Variants in NRXN1 observed in about 807,000 individuals in gnomAD.
NRXN1 encodes the protein neurexin-1.
In NRXN1, 39 loss-of-function variants were observed where a neutral mutation model predicts 150.9. That is an observed-to-expected ratio of 0.26 (90% CI 0.20 to 0.34). The LOEUF is 0.34. NRXN1 is among the 10% of genes least tolerant of loss of function. NRXN1 has a pLI of 1.00. For synonymous variants in NRXN1, 924 were observed against 757.0 expected (o/e 1.22, Z -3.62); for missense variants, 1,815 against 1,949.9 (o/e 0.93, Z 1.30).
intron 21 of NRXN1, among the ~76,000 whole-genome samples, chr2:50,030,011 C>T (rs1688956231): frequency 1.3e-5 from 2 of 152,062 alleles, no homozygotes; most frequent in South Asian, 4.1e-4. Flanking sequence ...GATGCAAATG[C>T]AAGCAGGCAT....
chr2:50,350,586 T>G (rs1455704157), intron 17 of NRXN1, among the ~76,000 whole-genome samples: 1 of 152,196 alleles, frequency 6.6e-6, no homozygotes, highest in Non-Finnish European at 1.5e-5. Context: ...CAACTGTATT[T>G]GTTATTCTCT....
At position 50,803,502 on chromosome 2, in the gene NRXN1, T is replaced by C. The variant is rs563233851; in HGVS notation, c.832+118367A>G. On this transcript the variant is annotated intron_variant, in intron 5 of 22. Transcript: ENST00000401669. Reference sequence around the variant, plus strand: ...TAAGCAGTAGAGGACACTGTTTTTATTTCTTTGCATTTTCAATGTATAAAT... The same window carrying C: ...TAAGCAGTAGAGGACACTGTTTTTACTTCTTTGCATTTTCAATGTATAAAT... 2.6e-5 allele frequency among the ~76,000 whole-genome samples: 4 copies of C among 152,336 alleles called. No individual in the cohort carries two copies. The East Asian group carries it at 7.7e-4, about 29-fold the overall frequency.
At chr2:49,962,532 TA>T (rs966193608) in intron 21 of NRXN1, among the ~76,000 whole-genome samples, 18 of 152,332 alleles carry the variant, frequency 1.2e-4, no homozygotes, top group Admixed American at 2.0e-4. Context: ...GAGTTCTATG[TA>T]ACCCATTGAC....
At chr2:50,442,087 C>T (rs191672805) in intron 17 of NRXN1, among the ~76,000 whole-genome samples, 1 of 152,220 alleles carries the variant, frequency 6.6e-6, no homozygotes, top group Non-Finnish European at 1.5e-5. Flanking sequence ...CTATAGTGAA[C>T]ATAATTGTTA....
At chr2:50,747,394 T>C (rs1020725567) in intron 5 of NRXN1, among the ~76,000 whole-genome samples, 1 of 152,182 alleles carries the variant, frequency 6.6e-6, no homozygotes, top group African/African-American at 2.4e-5. Context: ...TATAGATTCC[T>C]CTGTGGATGT....
At chr2:50,167,873 G>T (rs1205949081) in intron 18 of NRXN1, among the ~76,000 whole-genome samples, 1 of 152,146 alleles carries the variant, frequency 6.6e-6, no homozygotes, top group Non-Finnish European at 1.5e-5. Flanking sequence ...TACATGCATA[G>T]TAGACTTCTG....
intron 5 of NRXN1, among the ~76,000 whole-genome samples, chr2:50,772,865 A>T (rs1703174841): frequency 6.6e-6 from 1 of 152,118 alleles, no homozygotes; most frequent in Admixed American, 6.6e-5. Flanking sequence ...TATGGGCTGT[A>T]GATATTCATT....
intron 10 of NRXN1, among the ~76,000 whole-genome samples, chr2:50,532,958 T>C (rs1469910285): frequency 6.6e-6 from 1 of 152,196 alleles, no homozygotes; most frequent in Non-Finnish European, 1.5e-5. Flanking sequence ...AAATTTTCAT[T>C]ATTTTGCCTA....
chr2:50,617,934 T>C (rs1002293793), intron 8 of NRXN1, among the ~76,000 whole-genome samples: 1 of 152,234 alleles, frequency 6.6e-6, no homozygotes, highest in African/African-American at 2.4e-5. Context: ...GCCTCACTTA[T>C]GCAGAATTAT....
Position 50,610,664 on chromosome 2 carries a change from T to A in NRXN1, c.1320+9358A>T, listed in dbSNP as rs1395722943. Among the ~76,000 whole-genome samples, 48 of 126,870 alleles carry A rather than the reference T, an allele frequency of 3.8e-4. 1 individual carries two copies. Among genetic ancestry groups the A allele is most frequent in the Non-Finnish European group, 7.1e-4 (43 of 60,258 alleles). The allele number at this position is 126,870 out of a possible 152,430, so 83.2% of individuals were successfully genotyped here. On this transcript the variant is annotated intron_variant, in intron 8 of 22. Transcript: ENST00000401669. Reference sequence around the variant, plus strand: ...ATACATATATATATATATATATATATATATATATATATATCTGTACAAAAC... The same window carrying A: ...ATACATATATATATATATATATATAAATATATATATATATCTGTACAAAAC...
intron 5 of NRXN1, among the ~76,000 whole-genome samples, chr2:50,741,814 T>C (rs755776394): frequency 6.6e-6 from 1 of 152,142 alleles, no homozygotes; most frequent in Non-Finnish European, 1.5e-5. Context: ...CTAACCCTAA[T>C]CATCTCAAAT....
At chr2:51,022,694 A>G (rs1669815866) in intron 2 of NRXN1, among the ~76,000 whole-genome samples, 1 of 152,174 alleles carries the variant, frequency 6.6e-6, no homozygotes, top group Admixed American at 6.5e-5. Flanking sequence ...AAATCTCTGA[A>G]TCATTTTTAA....
At chr2:50,989,588 G>A (rs1393432099) in intron 2 of NRXN1, among the ~76,000 whole-genome samples, 1 of 151,926 alleles carries the variant, frequency 6.6e-6, no homozygotes, top group Non-Finnish European at 1.5e-5. Flanking sequence ...TGCCCTTAGT[G>A]AAAACCATAT....
intron 2 of NRXN1, among the ~76,000 whole-genome samples, chr2:50,966,860 A>T (rs2104747530): frequency 6.6e-6 from 1 of 152,062 alleles, no homozygotes; most frequent in Non-Finnish European, 1.5e-5. Context: ...AAAAGTGAAC[A>T]ACAAGATATT....
Position 50,231,504 on chromosome 2 carries a change from C to A in NRXN1, c.3546+5285G>T, listed in dbSNP as rs1040388773. On this transcript the variant is annotated intron_variant, in intron 18 of 22. Transcript: ENST00000401669. ...AAAAGGCATATTTCTAAATCAAAAT[C>A]AATTAAGAGCTTGGTTTCAAAATAA... Among the ~76,000 whole-genome samples the A allele has an allele frequency of 4.0e-4, 61 of 151,994 alleles. 1 individual carries two copies. Among genetic ancestry groups the A allele is most frequent in the African/African-American group, 1.4e-3 (56 of 41,394 alleles).
chr2:50,811,274 T>A (rs1668175195), intron 5 of NRXN1, among the ~76,000 whole-genome samples: 1 of 152,156 alleles, frequency 6.6e-6, no homozygotes, highest in Non-Finnish European at 1.5e-5. Flanking sequence ...TAACTCACCA[T>A]CTCTCAGTTA....
At chr2:50,121,088 G>C (rs919693909) in intron 18 of NRXN1, among the ~76,000 whole-genome samples, 1 of 152,172 alleles carries the variant, frequency 6.6e-6, no homozygotes, top group Admixed American at 6.5e-5. Flanking sequence ...GCAGTGGCAC[G>C]ATGTCAGCTG....
At chr2:50,942,007 C>T (rs1489749535) in intron 2 of NRXN1, among the ~76,000 whole-genome samples, 10 of 152,168 alleles carry the variant, frequency 6.6e-5, no homozygotes, top group African/African-American at 2.4e-4. Flanking sequence ...AGTCACATGG[C>T]CCAGCTGCTC....
At chr2:50,214,100 C>G (rs1011995365) in intron 18 of NRXN1, among the ~76,000 whole-genome samples, 1 of 151,864 alleles carries the variant, frequency 6.6e-6, no homozygotes, top group African/African-American at 2.4e-5. Flanking sequence ...GGATTTGATA[C>G]TTCATTCTAG....
Sources: allele counts gnomAD v4.1 joint callset (sites outside exome capture counted in the v4.1 genomes callset), GRCh38; gene constraint gnomAD v4.1.1; transcripts MANE v1.5; gene names NCBI Gene and HGNC (gene_info 2026-07-23, HGNC 2026-07-21).